Variants in DACH2 observed in about 807,000 individuals in gnomAD.
DACH2 encodes dachshund homolog 2.
Under a neutral mutation model 35.8 loss-of-function variants are expected in DACH2, and 17 were observed. The ratio of observed to expected loss-of-function variants is 0.48; its 90% CI spans 0.33 to 0.71. The LOEUF (loss-of-function observed/expected upper bound fraction) is 0.71. DACH2 is among the 30% of genes least tolerant of loss of function. The pLI is 0.02. For synonymous variants in DACH2, 195 were observed against 177.3 expected (o/e 1.10, Z -0.79); for missense variants, 469 against 472.7 (o/e 0.99, Z 0.07).
intron 7 of DACH2, among the ~76,000 whole-genome samples, chrX:86,767,971 T>TA (rs911217027): frequency 4.0e-4 from 45 of 111,527 alleles, no homozygotes; most frequent in South Asian, 7.4e-4. Context: ...TTGTTTTTAC[T>TA]AAAAAAATGG....
chrX:86,814,128 G>C (rs1323659105), intron 9 of DACH2, among the ~76,000 whole-genome samples: 1 of 111,501 alleles, frequency 9.0e-6, no homozygotes, highest in Non-Finnish European at 1.9e-5. Context: ...GCAAGAGAGA[G>C]GCAGAGAGAG....
At chrX:86,715,604 C>G (rs751467906) in intron 6 of DACH2, among the ~76,000 whole-genome samples, 2 of 111,626 alleles carry the variant, frequency 1.8e-5, no homozygotes, top group Non-Finnish European at 3.8e-5. Flanking sequence ...TTAATAATTA[C>G]ATGCCAGGTT....
At chrX:86,423,033 G>T (rs1054325619) in intron 2 of DACH2, among the ~76,000 whole-genome samples, 1 of 111,512 alleles carries the variant, frequency 9.0e-6, no homozygotes, top group African/African-American at 3.2e-5. Context: ...GTACTGCATT[G>T]TGCATATGTA....
chrX:86,150,573 CTATT>C (rs963325770), intron 1 of DACH2, among the ~76,000 whole-genome samples: 2 of 111,420 alleles, frequency 1.8e-5, no homozygotes, highest in South Asian at 3.8e-4. Flanking sequence ...AAACAGAAAA[CTATT>C]TATGTGAGAA....
intron 1 of DACH2, among the ~76,000 whole-genome samples, chrX:86,156,863 A>G (rs904934067): frequency 1.8e-5 from 2 of 111,465 alleles, no homozygotes; most frequent in African/African-American, 3.2e-5. Flanking sequence ...GAATACAAAT[A>G]CATGTTAAAA....
chrX:86,751,861 G>T (rs2041777124), intron 7 of DACH2, among the ~76,000 whole-genome samples: 1 of 111,887 alleles, frequency 8.9e-6, no homozygotes, highest in African/African-American at 3.2e-5. Context: ...CAGTGGATTG[G>T]ATAAAGAAAA....
At chrX:86,611,741 T>TC (rs2039947501) in intron 3 of DACH2, among the ~76,000 whole-genome samples, 2 of 110,908 alleles carry the variant, frequency 1.8e-5, no homozygotes, top group Admixed American at 1.9e-4. Flanking sequence ...CCATGCTGTT[T>TC]CTCTCCCAAG....
intron 1 of DACH2, among the ~76,000 whole-genome samples, chrX:86,363,168 T>C (rs1569364002): frequency 1.8e-5 from 2 of 111,516 alleles, no homozygotes; most frequent in East Asian, 2.8e-4. Context: ...ACATGTAATA[T>C]ATGTTTAGAT....
intron 2 of DACH2, among the ~76,000 whole-genome samples, chrX:86,495,357 CT>C (rs781757420): frequency 0.012 from 1,239 of 101,634 alleles, 13 homozygotes; most frequent in African/African-American, 0.032. Flanking sequence ...TGCATCCAGA[CT>C]TTTTTTTTTT....
chrX:86,681,436 T>C (rs1363831831), intron 4 of DACH2, among the ~76,000 whole-genome samples: 5 of 109,405 alleles, frequency 4.6e-5, no homozygotes, highest in African/African-American at 1.7e-4. Flanking sequence ...AAAAATTAGC[T>C]AGACATGGTG....
chrX:86,807,674 T>A (rs1490908343), intron 7 of DACH2, among the ~76,000 whole-genome samples: 1 of 112,249 alleles, frequency 8.9e-6, no homozygotes, highest in Non-Finnish European at 1.9e-5. Flanking sequence ...GTCTGAGATG[T>A]TCTGCTCTAA....
chrX:86,211,268 C>T (rs749645719), intron 1 of DACH2, among the ~76,000 whole-genome samples: 2 of 111,567 alleles, frequency 1.8e-5, no homozygotes, highest in African/African-American at 3.3e-5. Context: ...AAAAAGTTTG[C>T]CGCTCTGATT....
At chrX:86,277,702 G>A (rs976006551) in intron 1 of DACH2, among the ~76,000 whole-genome samples, 1 of 111,441 alleles carries the variant, frequency 9.0e-6, no homozygotes, top group African/African-American at 3.3e-5. Flanking sequence ...TTGAAGATGA[G>A]GAGCATAGTG....
chrX:86,642,221 G>A (rs959868762), intron 3 of DACH2, among the ~76,000 whole-genome samples: 25 of 111,361 alleles, frequency 2.2e-4, no homozygotes, highest in African/African-American at 7.8e-4. Context: ...TCCACCTCAC[G>A]TCATGACACT....
chrX:86,229,809 G>A (rs1476889336), intron 1 of DACH2, among the ~76,000 whole-genome samples: 4 of 104,871 alleles, frequency 3.8e-5, no homozygotes, highest in Non-Finnish European at 5.7e-5. Flanking sequence ...ATCTGTGTAC[G>A]TTAATCTTGT....
intron 2 of DACH2, among the ~76,000 whole-genome samples, chrX:86,421,710 T>C (rs1473263738): frequency 1.8e-5 from 2 of 111,624 alleles, no homozygotes; most frequent in Non-Finnish European, 3.8e-5. Context: ...AATATATTGG[T>C]ATTGGTTTCC....
intron 3 of DACH2, among the ~76,000 whole-genome samples, chrX:86,542,026 A>T (rs73245337): frequency 1.8e-4 from 20 of 111,810 alleles, no homozygotes; most frequent in Non-Finnish European, 2.6e-4. Context: ...TACCTTCCCC[A>T]TTGTTTCATT....
At chrX:86,367,948 ACCT>A (rs2035830015) in intron 1 of DACH2, among the ~76,000 whole-genome samples, 1 of 110,408 alleles carries the variant, frequency 9.1e-6, no homozygotes, top group Non-Finnish European at 1.9e-5. Context: ...CCCTGAAGTA[ACCT>A]CCTACTTGGT....
intron 1 of DACH2, among the ~76,000 whole-genome samples, chrX:86,342,857 C>A (rs1439183885): frequency 1.8e-5 from 2 of 110,995 alleles, no homozygotes; most frequent in Non-Finnish European, 3.8e-5. Context: ...CATTCTAACC[C>A]TCAGCAGCCA....
Sources: allele counts gnomAD v4.1 joint callset (sites outside exome capture counted in the v4.1 genomes callset), GRCh38; gene constraint gnomAD v4.1.1; transcripts MANE v1.5; gene names NCBI Gene and HGNC (gene_info 2026-07-23, HGNC 2026-07-21).